The following ITFG2 variants were observed in gnomAD, a reference collection of about 807,000 sequenced individuals.
The protein encoded by ITFG2 is integrin alpha FG-GAP repeat containing 2.
In ITFG2, 36 loss-of-function variants were observed where a neutral mutation model predicts 54.4. That is an observed-to-expected ratio of 0.66 (90% CI 0.51 to 0.87). The LOEUF is 0.87. Ranked by LOEUF, ITFG2 falls within the 40% of genes least tolerant of loss-of-function variation. The pLI is 0.00. For missense variants in ITFG2, 524 were observed against 576.7 expected, an observed-to-expected ratio of 0.91 and a Z score of 0.94; for synonymous variants, 211 against 225.4, an observed-to-expected ratio of 0.94 and a Z score of 0.57.
At chr12:2,834,287 A>T, upstream of ITFG2, among the ~76,000 whole-genome samples, 1 of 152,200 alleles carries the variant, frequency 6.6e-6, no homozygotes, top group South Asian at 2.1e-4. Context: ...CACAACCCTA[A>T]ACTGGCCAGT....
intron 2 of ITFG2, among the ~76,000 whole-genome samples, chr12:2,853,387 C>G (rs1216165812): frequency 6.6e-6 from 1 of 152,136 alleles, no homozygotes; most frequent in East Asian, 1.9e-4. Flanking sequence ...ATTCCCCTGC[C>G]TCAGCCTCCT....
chr12:2,827,245 G>T (rs1350147578), downstream of ITFG2: 2 of 1,614,142 alleles, frequency 1.2e-6, no homozygotes, highest in South Asian at 2.2e-5. This position sits in a 1 kb window ranked among gnomAD's most constrained non-coding sequence, Gnocchi z 4.0. Context: ...AGGAAGGGTA[G>T]CTCTGAGAAC....
chr12:2,832,497 TGAGA>T (rs766126875), upstream of ITFG2, among the ~76,000 whole-genome samples: 1 of 151,952 alleles, frequency 6.6e-6, no homozygotes, highest in Non-Finnish European at 1.5e-5. Context: ...ACACTTTATT[TGAGA>T]GAGAGGTTGT....
chr12:2,834,420 G>A (rs190012058), upstream of ITFG2, among the ~76,000 whole-genome samples: 34 of 152,274 alleles, frequency 2.2e-4, no homozygotes, highest in Non-Finnish European at 3.7e-4. Flanking sequence ...AGGAAAAAGG[G>A]AAGCCAAGCA....
At chr12:2,844,380 CCT>C (rs1163021033) in intron 2 of ITFG2, among the ~76,000 whole-genome samples, 1 of 152,070 alleles carries the variant, frequency 6.6e-6, no homozygotes, top group African/African-American at 2.4e-5. Flanking sequence ...GTGACGAAAC[CCT>C]GTCTCTACTA....
At chr12:2,822,937 T>G in intron 10 of ITFG2, 26 bp downstream of exon 10, 2 of 1,567,616 alleles carry the variant, frequency 1.3e-6, no homozygotes. Flanking sequence ...ATGGCCCCTT[T>G]CTAACCACAC....
At position 2,821,745 on chromosome 12, in the gene ITFG2, G is replaced by A. The variant is rs759327576; in HGVS notation, c.901G>A (p.Val301Met). ...MEEADKLLWS[V>M]QVDHQLFALE... is the part of the protein sequence containing the mutation. ...AGAAGCAGACAAGCTGCTGTGGTCA[G>A]TGCAGGTGGATCACCAGCTCTTTGC... is the stretch of plus-strand genomic sequence containing the variant. The change falls in exon 9 of 12, where the codon GTG (valine) becomes ATG (methionine). Residue 301 changes from valine to methionine, a missense_variant. Coordinates refer to ENST00000228799, the MANE Select transcript of ITFG2 (RefSeq NM_018463.4). The A allele has an allele frequency of 2.5e-6, 4 of 1,614,164 alleles. No individual in the cohort carries two copies. The South Asian group carries it at 4.4e-5, about 18-fold the overall frequency.
chr12:2,855,095 G>T, intron 2 of ITFG2: 8 of 1,535,932 alleles, frequency 5.2e-6, no homozygotes, highest in Non-Finnish European at 7.0e-6. Context: ...ATCCAGGAGG[G>T]AGGGGGGATG....
chr12:2,835,157 G>C (rs1448576294), upstream of ITFG2: 1 of 1,382,706 alleles, frequency 7.2e-7, no homozygotes, highest in Non-Finnish European at 9.2e-7. Flanking sequence ...TGGATGGGGC[G>C]TATGTGTGTG....
upstream of ITFG2, among the ~76,000 whole-genome samples, chr12:2,834,473 A>C (rs1472722289): frequency 6.6e-6 from 1 of 152,194 alleles, no homozygotes; most frequent in Non-Finnish European, 1.5e-5. Flanking sequence ...CCATGGGAAC[A>C]TCCCCGGTGA....
At chr12:2,814,737 C>T (rs992277514) in intron 1 of ITFG2, among the ~76,000 whole-genome samples, 1 of 151,960 alleles carries the variant, frequency 6.6e-6, no homozygotes, top group Non-Finnish European at 1.5e-5. Context: ...GAGGCTGAGG[C>T]GAGAGGATTA....
intron 1 of ITFG2, among the ~76,000 whole-genome samples, chr12:2,839,278 G>A (rs1221656697): frequency 6.6e-6 from 1 of 152,070 alleles, no homozygotes; most frequent in African/African-American, 2.4e-5. Flanking sequence ...GTGACAGGGT[G>A]AAACTCCGGC....
In ITFG2 at chr12:2,820,628, G is replaced by GGCCC; in HGVS notation, c.547-96_547-95insGCCC. On this transcript the variant is annotated intron_variant, in intron 5 of 11. Coordinates refer to ENST00000228799, the MANE Select transcript of ITFG2 (RefSeq NM_018463.4). ...TTCCCAGGACTGCTGCCCTGCCCCT[G>GGCCC]CCCCCGCCCCCGCCCACCCACCGCC... 4.4e-5 allele frequency: 11 copies of GGCCC among 251,778 alleles called. 2 individuals carry two copies. Among genetic ancestry groups the GGCCC allele is most frequent in the Non-Finnish European group, 6.3e-5 (8 of 126,650 alleles). 15.6% of individuals were successfully genotyped at this position (251,778 alleles called of 1,614,324 possible).
chr12:2,837,305 G>A (rs969909969), intron 1 of ITFG2, among the ~76,000 whole-genome samples: 94 of 151,696 alleles, frequency 6.2e-4, no homozygotes, highest in African/African-American at 2.1e-3. Context: ...GTGAAACCCC[G>A]TCTCTACTAA....
intron 2 of ITFG2, chr12:2,857,427 C>T (rs1416028479): frequency 4.0e-6 from 1 of 251,524 alleles, no homozygotes; most frequent in Non-Finnish European, 7.9e-6. Flanking sequence ...CTAAGTTAAC[C>T]AGCAGGTCCA....
rs186777788 is a variant in ITFG2 at position 2,855,316 on chromosome 12, G to A, written n.301-2696G>A. 40 of 1,531,724 alleles carry A rather than the reference G, an allele frequency of 2.6e-5. No individual in the cohort carries two copies. In the African/African-American group the frequency reaches 3.1e-4, roughly 12 times the overall value. 94.9% of individuals were successfully genotyped at this position (1,531,724 alleles called of 1,614,324 possible). A position where few individuals can be genotyped will look rare whatever the true frequency, so the allele number is the denominator to read the frequency against. ...CTTGGACTTCATATCTGTGCAGGGC[G>A]GCAGCTTCAGAGCCAGCTGGTGGTA... On this transcript the variant is annotated intron_variant and non_coding_transcript_variant, in intron 2 of 3. Transcript: ENST00000537710.
At chr12:2,828,093 G>T (rs2097978505), downstream of ITFG2, 1 of 1,534,090 alleles carries the variant, frequency 6.5e-7, no homozygotes, top group East Asian at 2.3e-5. Context: ...CCCCTAGAGG[G>T]TTCCACCCCA....
At chr12:2,841,472 T>C (rs936458670) in intron 2 of ITFG2, among the ~76,000 whole-genome samples, 1 of 152,228 alleles carries the variant, frequency 6.6e-6, no homozygotes, top group African/African-American at 2.4e-5. Flanking sequence ...ACTTTCTGTC[T>C]TTAGATAAAA....
chr12:2,832,328 G>T (rs184010138), upstream of ITFG2, among the ~76,000 whole-genome samples: 3 of 151,860 alleles, frequency 2.0e-5, no homozygotes, highest in African/African-American at 7.3e-5. Flanking sequence ...TGACCGGGCC[G>T]TGCCTCCTTC....
Sources: gnomAD v4.1 joint callset for allele counts (sites outside exome capture counted in the v4.1 genomes callset) on GRCh38, gnomAD v4.1.1 for gene constraint, Gnocchi (gnomAD v3.1) non-coding constraint, MANE v1.5 for transcripts, NCBI Gene and HGNC (gene_info 2026-07-23, HGNC 2026-07-21) for gene names.